KLHL18: variants seen among roughly 807,000 people sequenced by gnomAD.
KLHL18 encodes kelch like family member 18.
KLHL18 carries 38 observed loss-of-function variants against 58.5 expected under a neutral mutation model. The observed-to-expected ratio is 0.65, with a 90% confidence interval of 0.50 to 0.85. The LOEUF (loss-of-function observed/expected upper bound fraction) is 0.85, where lower values mean the gene tolerates loss of function less well. Ranked by LOEUF, KLHL18 falls within the 40% of genes least tolerant of loss-of-function variation. The pLI, the probability that KLHL18 is intolerant of heterozygous loss-of-function variation, is 0.00. For synonymous variants in KLHL18, 303 were observed against 301.9 expected, an observed-to-expected ratio of 1.00 and a Z score of -0.04; for missense variants, 624 against 778.4, an observed-to-expected ratio of 0.80 and a Z score of 2.36.
chr3:47,321,498 T>A (rs1703587427), intron 2 of KLHL18, among the ~76,000 whole-genome samples: 1 of 152,104 alleles, frequency 6.6e-6, no homozygotes, highest in Non-Finnish European at 1.5e-5. Context: ...TACAGGCTCA[T>A]GCCACCACGC....
At chr3:47,290,490 G>T (rs1374700216) in intron 1 of KLHL18, among the ~76,000 whole-genome samples, 1 of 151,508 alleles carries the variant, frequency 6.6e-6, no homozygotes, top group Non-Finnish European at 1.5e-5. Flanking sequence ...TTGAGACAGG[G>T]TCTCATCTCT....
intron 1 of KLHL18, among the ~76,000 whole-genome samples, chr3:47,309,699 G>A (rs958234688): frequency 2.0e-5 from 3 of 152,346 alleles, no homozygotes; most frequent in South Asian, 2.1e-4. Flanking sequence ...CTGCACTCCA[G>A]CCTGGGCAAC....
At chr3:47,317,212 A>C (rs560894536) in intron 1 of KLHL18, among the ~76,000 whole-genome samples, 11 of 152,220 alleles carry the variant, frequency 7.2e-5, no homozygotes, top group African/African-American at 2.2e-4. Flanking sequence ...TCCCAGGTTC[A>C]AGTGATTCTT....
chr3:47,309,782 G>C (rs919797866), intron 1 of KLHL18, among the ~76,000 whole-genome samples: 1 of 152,298 alleles, frequency 6.6e-6, no homozygotes, highest in South Asian at 2.1e-4. Context: ...CGGATCACTC[G>C]CGGTTAGGAG....
chr3:47,343,657 G>C lies in KLHL18; in HGVS notation c.1441G>C (p.Val481Leu). 1 of 1,614,130 alleles carries C rather than the reference G, an allele frequency of 6.2e-7. No homozygotes were observed. The highest frequency in any genetic ancestry group is 1.1e-5 in the South Asian group (1 of 91,088). Residue 481 changes from valine (V) to leucine (L), a missense_variant, in exon 10 of 10, where the codon GTC (valine) becomes CTC (leucine). Coordinates refer to ENST00000232766, the MANE Select transcript of KLHL18 (RefSeq NM_025010.5). ...GAASLGSKMF[V>L]CGGYDGSGFL... ...CGCCTCCCTGGGGAGCAAGATGTTTGTCTGCGGGGGCTACGATGGCTCTGG... is the reference window on the plus strand; with the variant it reads ...CGCCTCCCTGGGGAGCAAGATGTTTCTCTGCGGGGGCTACGATGGCTCTGG...
At chr3:47,304,302 C>T (rs921690890) in intron 1 of KLHL18, among the ~76,000 whole-genome samples, 5 of 151,950 alleles carry the variant, frequency 3.3e-5, no homozygotes, top group African/African-American at 4.8e-5. Flanking sequence ...GCCAAGAATT[C>T]GAGATTAGCC....
chr3:47,326,943 G>A (rs1252016148), intron 3 of KLHL18, among the ~76,000 whole-genome samples: 1 of 150,162 alleles, frequency 6.7e-6, no homozygotes, highest in Non-Finnish European at 1.5e-5. Context: ...AAAAAAAAAA[G>A]GAAGGTGTGT....
At chr3:47,333,361 G>A (rs530923083) in intron 5 of KLHL18, 44 bp downstream of exon 5, 2 of 1,581,734 alleles carry the variant, frequency 1.3e-6, no homozygotes, top group Non-Finnish European at 1.7e-6. Context: ...AAAGGTCTAA[G>A]CAGGGAAGAG....
intron 6 of KLHL18, among the ~76,000 whole-genome samples, chr3:47,335,292 C>T (rs973826132): frequency 1.3e-5 from 2 of 152,024 alleles, no homozygotes; most frequent in African/African-American, 4.8e-5. Context: ...TGAGAAAGTC[C>T]CCAAGAGAAA....
intron 1 of KLHL18, among the ~76,000 whole-genome samples, chr3:47,317,190 G>A (rs746642065): frequency 6.6e-5 from 10 of 152,042 alleles, no homozygotes; most frequent in Non-Finnish European, 1.2e-4. Context: ...TCTGCTCACC[G>A]CAACCTCCGC....
chr3:47,299,517 C>A (rs927005834), intron 1 of KLHL18, among the ~76,000 whole-genome samples: 1 of 151,854 alleles, frequency 6.6e-6, no homozygotes, highest in Non-Finnish European at 1.5e-5. Flanking sequence ...CCTGAAGAAG[C>A]AGTTCTTCCT....
chr3:47,288,004 C>T (rs577974608), intron 1 of KLHL18, among the ~76,000 whole-genome samples: 5 of 152,004 alleles, frequency 3.3e-5, no homozygotes, highest in South Asian at 2.1e-4. Flanking sequence ...GGGCAGATCA[C>T]GAGATCAAGA....
At chr3:47,319,580 G>T (rs528668317) in intron 1 of KLHL18, 73 bp from the exon 2 acceptor site, 2 of 1,537,300 alleles carry the variant, frequency 1.3e-6, no homozygotes, top group South Asian at 2.4e-5. Flanking sequence ...GAGGGGCAGG[G>T]TGGGTTTTTT....
At chr3:47,340,768 G>A in intron 8 of KLHL18, 92 bp downstream of exon 8, 1 of 1,434,626 alleles carries the variant, frequency 7.0e-7, no homozygotes, top group Admixed American at 1.9e-5. Context: ...AGCTTCTCAA[G>A]GGTAGAGAAT....
At chr3:47,336,205 T>C (rs1321682412) in intron 6 of KLHL18, among the ~76,000 whole-genome samples, 1 of 152,216 alleles carries the variant, frequency 6.6e-6, no homozygotes, top group Non-Finnish European at 1.5e-5. Context: ...CTGGAGCGCA[T>C]GCCCGTCCCT....
Position 47,336,783 on chromosome 3 carries a change from G to A in KLHL18, c.1121+26G>A, listed in dbSNP as rs757331731. 7 of 1,567,542 alleles carry A rather than the reference G, an allele frequency of 4.5e-6. No homozygotes were observed. The African/African-American group carries it at 6.8e-5, about 15-fold the overall frequency. ...GTATTCTGGAAGCCACGTGCAGCCCGAACATACACACTGAGCACCTGGGGA... is the reference window on the plus strand; with the variant it reads ...GTATTCTGGAAGCCACGTGCAGCCCAAACATACACACTGAGCACCTGGGGA... On this transcript the variant is annotated intron_variant, in intron 7 of 9. Transcript: ENST00000232766.
At chr3:47,321,385 C>T (rs1194577616) in intron 2 of KLHL18, among the ~76,000 whole-genome samples, 5 of 146,564 alleles carry the variant, frequency 3.4e-5, no homozygotes, top group African/African-American at 1.3e-4. Flanking sequence ...CTCACTCTGT[C>T]GCCCAGGCTA....
At chr3:47,298,444 A>G (rs1228163645) in intron 1 of KLHL18, among the ~76,000 whole-genome samples, 1 of 152,128 alleles carries the variant, frequency 6.6e-6, no homozygotes, top group Non-Finnish European at 1.5e-5. Flanking sequence ...GGGGACTGAC[A>G]TGACCAGACT....
At chr3:47,309,690 T>G (rs1703246090) in intron 1 of KLHL18, among the ~76,000 whole-genome samples, 1 of 152,192 alleles carries the variant, frequency 6.6e-6, no homozygotes, top group South Asian at 2.1e-4. Flanking sequence ...ATCACGCCAC[T>G]GCACTCCAGC....
Sources: gnomAD v4.1 joint callset for allele counts (sites outside exome capture counted in the v4.1 genomes callset) on GRCh38, gnomAD v4.1.1 for gene constraint, MANE v1.5 for transcripts, NCBI Gene and HGNC (gene_info 2026-07-23, HGNC 2026-07-21) for gene names.